Variants in SEC61G observed in about 807,000 individuals in gnomAD.
The protein encoded by SEC61G is protein transport protein Sec61 subunit gamma.
In SEC61G, 4 loss-of-function variants were observed where a neutral mutation model predicts 7.5. That is an observed-to-expected ratio of 0.54 (90% confidence interval 0.26 to 1.22). SEC61G has a LOEUF of 1.22. Ranked by LOEUF, SEC61G falls within the 50% of genes most tolerant of loss-of-function variation. The pLI, the probability that SEC61G is intolerant of heterozygous loss-of-function variation, is 0.12. For missense variants in SEC61G, 53 were observed against 84.6 expected (o/e 0.63, Z 1.46); for synonymous variants, 24 against 24.4 (o/e 0.98, Z 0.05).
chr7:54,754,740 C>A (rs1051347188), intron 3 of SEC61G: 1 of 152,000 alleles, frequency 6.6e-6, no homozygotes, highest in Non-Finnish European at 1.5e-5. Flanking sequence ...AACTTCACCA[C>A]CCCATAAAAT....
At chr7:54,753,929 A>AG (rs11464006) in intron 3 of SEC61G, among the ~76,000 whole-genome samples, 46,602 of 152,072 alleles carry the variant, frequency 0.31, 7,233 homozygotes, top group South Asian at 0.38. Context: ...CATCACCATT[A>AG]AAAAGACAAG....
chr7:54,756,414 G>A (rs1037627571), intron 2 of SEC61G, among the ~76,000 whole-genome samples: 1 of 152,124 alleles, frequency 6.6e-6, no homozygotes, highest in African/African-American at 2.4e-5. Flanking sequence ...TCAGCACTTT[G>A]GGAGGCCGAA....
chr7:54,758,919 C>G (rs1791578107), intron 1 of SEC61G: 1 of 289,856 alleles, frequency 3.4e-6, no homozygotes, highest in South Asian at 2.7e-5. Context: ...CCCTGGAGCC[C>G]CGCGGGCCGG....
rs1186599232 is a variant in SEC61G at position 54,756,939 on chromosome 7, A to T, written c.94+556T>A. Among the ~76,000 whole-genome samples the T allele has an allele frequency of 2.7e-5, 4 of 147,850 alleles. No individual in the cohort carries two copies. In the East Asian group the frequency reaches 7.8e-4, roughly 29 times the overall value. On this transcript the variant is annotated intron_variant, in intron 2 of 3. Transcript: ENST00000352861. ...TGTTATATACTATATTATATACTATATACTATACTATATATATACTATATA... is the reference window on the plus strand; with the variant it reads ...TGTTATATACTATATTATATACTATTTACTATACTATATATATACTATATA...
At chr7:54,757,632 C>G (rs1278809638) in intron 1 of SEC61G, 38 bp from the exon 2 acceptor site, 1 of 1,530,420 alleles carries the variant, frequency 6.5e-7, no homozygotes, top group Non-Finnish European at 9.0e-7. Context: ...GGTATTGGTT[C>G]TCATACAATA....
At chr7:54,758,155 A>AGT (rs1292211685) in intron 1 of SEC61G, among the ~76,000 whole-genome samples, 20 of 152,244 alleles carry the variant, frequency 1.3e-4, no homozygotes, top group African/African-American at 4.6e-4. Context: ...ACTTTTCTAA[A>AGT]GTATAAAGAA....
chr7:54,752,491 C>A, intron 3 of SEC61G, 71 bp from the exon 4 acceptor site: 1 of 1,020,240 alleles, frequency 9.8e-7, no homozygotes, highest in Non-Finnish European at 1.4e-6. Flanking sequence ...ATTTGAAATG[C>A]AATATGCTAT....
intron 2 of SEC61G, among the ~76,000 whole-genome samples, chr7:54,756,278 G>A (rs1422549112): frequency 1.3e-5 from 2 of 152,088 alleles, no homozygotes; most frequent in African/African-American, 2.4e-5. Flanking sequence ...AATTATATGG[G>A]CAGAAACATA....
At position 54,752,437 on chromosome 7, in the gene SEC61G, AATT is replaced by A. The variant is rs749786656; in HGVS notation, c.198-20_198-18del. On this transcript the variant is annotated intron_variant, in intron 3 of 3. Coordinates refer to ENST00000352861, the MANE Select transcript of SEC61G (RefSeq NM_014302.4). Reference sequence around the variant, plus strand: ...CAGCCACCACTGTAAAAGAAAGAAAAATTATTACTTCTGAGCATAGATAAGATT... The same window carrying A: ...CAGCCACCACTGTAAAAGAAAGAAAAATTACTTCTGAGCATAGATAAGATT... The A allele has an allele frequency of 6.1e-5, 89 of 1,458,894 alleles. No individual in the cohort carries two copies. Among genetic ancestry groups the A allele is most frequent in the African/African-American group, 1.1e-4 (8 of 70,428 alleles). 90.4% of individuals were successfully genotyped at this position (1,458,894 alleles called of 1,614,324 possible).
At chr7:54,756,827 C>G (rs1344925046) in intron 2 of SEC61G, among the ~76,000 whole-genome samples, 1 of 151,474 alleles carries the variant, frequency 6.6e-6, no homozygotes, top group Middle Eastern at 3.2e-3. Flanking sequence ...AAAATATAAC[C>G]GCAATAATTT....
At position 54,756,609 on chromosome 7, in the gene SEC61G, C is replaced by T. The variant is rs181426525; in HGVS notation, c.95-728G>A. Among the ~76,000 whole-genome samples the T allele has an allele frequency of 1.6e-3, 249 of 152,280 alleles. 1 individual carries two copies. Among genetic ancestry groups the T allele is most frequent in the Admixed American group, 3.4e-3 (52 of 15,302 alleles). On this transcript the variant is annotated intron_variant, in intron 2 of 3. Transcript: ENST00000352861. Reference sequence around the variant, plus strand: ...CGGAGGTTGCAGTGAGCCGAGATCGCGTCACTGCACTTCAGCCTGGGCAAC... The same window carrying T: ...CGGAGGTTGCAGTGAGCCGAGATCGTGTCACTGCACTTCAGCCTGGGCAAC...
At chr7:54,752,477 T>A in intron 3 of SEC61G, 57 bp from the exon 4 acceptor site, 2 of 1,175,428 alleles carry the variant, frequency 1.7e-6, no homozygotes, top group Non-Finnish European at 2.4e-6. Flanking sequence ...TAATAATTAT[T>A]ATTATTTGAA....
At chr7:54,757,711 T>G (rs1415526014) in intron 1 of SEC61G, 117 bp from the exon 2 acceptor site, 4 of 700,010 alleles carry the variant, frequency 5.7e-6, no homozygotes, top group Non-Finnish European at 4.8e-6. Flanking sequence ...CATGGGTCAA[T>G]TCCACCTCCT....
At chr7:54,758,774 C>A (rs1352554916) in intron 1 of SEC61G, among the ~76,000 whole-genome samples, 13 of 152,208 alleles carry the variant, frequency 8.5e-5, no homozygotes, top group Non-Finnish European at 1.5e-5. Flanking sequence ...ACGGAAGCGG[C>A]GGCAGGACCA....
At chr7:54,752,473 T>G in intron 3 of SEC61G, 53 bp from the exon 4 acceptor site, 1 of 1,192,438 alleles carries the variant, frequency 8.4e-7, no homozygotes, top group Non-Finnish European at 1.2e-6. Context: ...ATTTTAATAA[T>G]TATTATTATT....
intron 2 of SEC61G, among the ~76,000 whole-genome samples, chr7:54,756,725 C>A (rs1182491506): frequency 1.3e-5 from 2 of 151,978 alleles, no homozygotes; most frequent in African/African-American, 4.8e-5. Context: ...GAGAAGCTTT[C>A]CCTGATCTCC....
intron 3 of SEC61G, among the ~76,000 whole-genome samples, chr7:54,753,238 A>T (rs1486044874): frequency 6.6e-6 from 1 of 152,200 alleles, no homozygotes; most frequent in African/African-American, 2.4e-5. Context: ...GGCTGCAATA[A>T]GCTAAGATTG....
chr7:54,758,980 GC>G (rs1376432518), intron 1 of SEC61G, 177 bp downstream of exon 1: 2 of 318,298 alleles, frequency 6.3e-6, no homozygotes, highest in African/African-American at 4.6e-5. Context: ...TCCGCCAGAG[GC>G]CGAGTTGGTG....
In SEC61G at chr7:54,755,787, G is replaced by A. The variant is rs1322156256; in HGVS notation, c.189C>T (p.Asn63=). The A allele has an allele frequency of 3.9e-6, 6 of 1,528,648 alleles. No individual in the cohort carries two copies. The East Asian group carries it at 9.3e-5, about 24-fold the overall frequency. The allele number at this position is 1,528,648 out of a possible 1,614,324, so 94.7% of individuals were successfully genotyped here. A position where few individuals can be genotyped will look rare whatever the true frequency, so the allele number is the denominator to read the frequency against. ...TCATAAAGTTTACTTACACAATGATGTTATTAATAGGAATATGGATCAATT... is the reference window on the plus strand; with the variant it reads ...TCATAAAGTTTACTTACACAATGATATTATTAATAGGAATATGGATCAATT... ...FVKLIHIPIN[N]IIVGG Residue 63 remains asparagine (N), a synonymous_variant, in exon 3 of 4, where the codon AAC becomes AAT. Coordinates refer to ENST00000352861, the MANE Select transcript of SEC61G (RefSeq NM_014302.4).
Sources: gnomAD v4.1 joint callset for allele counts (sites outside exome capture counted in the v4.1 genomes callset) on GRCh38, gnomAD v4.1.1 for gene constraint, MANE v1.5 for transcripts, NCBI Gene and HGNC (gene_info 2026-07-23, HGNC 2026-07-21) for gene names.